Variants in NRXN1 observed in about 807,000 individuals in gnomAD.
NRXN1 encodes neurexin 1.
In NRXN1, 39 loss-of-function variants were observed where a neutral mutation model predicts 150.9. That is an observed-to-expected ratio of 0.26 (90% CI 0.20 to 0.34). NRXN1 has a LOEUF of 0.34. NRXN1 is among the 10% of genes least tolerant of loss of function. The probability of loss-of-function intolerance (pLI) is 1.00; values close to 1 mark genes in which losing one functional copy is unlikely to be tolerated. For missense variants in NRXN1, 1,815 were observed against 1,949.9 expected, an observed-to-expected ratio of 0.93 and a Z score of 1.30; for synonymous variants, 924 against 757.0, an observed-to-expected ratio of 1.22 and a Z score of -3.62.
intron 21 of NRXN1, among the ~76,000 whole-genome samples, chr2:49,956,429 G>C (rs765022634): frequency 3.4e-4 from 51 of 152,062 alleles, no homozygotes; most frequent in Non-Finnish European, 2.9e-5. Context: ...TCACTGTAAG[G>C]CAATTTGTGC....
intron 2 of NRXN1, among the ~76,000 whole-genome samples, chr2:50,932,997 T>A (rs912881755): frequency 6.6e-6 from 1 of 152,074 alleles, no homozygotes; most frequent in African/African-American, 2.4e-5. Flanking sequence ...CTCCCAGTCC[T>A]CTTCTCTAGA....
chr2:50,238,630 T>G (rs2065696852), intron 17 of NRXN1, among the ~76,000 whole-genome samples: 1 of 152,052 alleles, frequency 6.6e-6, no homozygotes, highest in Admixed American at 6.6e-5. Context: ...AGTTTACCAG[T>G]TAAATGGAGT....
At chr2:49,976,276 G>A (rs1055089816) in intron 21 of NRXN1, among the ~76,000 whole-genome samples, 3 of 150,784 alleles carry the variant, frequency 2.0e-5, no homozygotes, top group Admixed American at 6.6e-5. Context: ...CGAGTGATCC[G>A]CCCACCTTGG....
intron 10 of NRXN1, among the ~76,000 whole-genome samples, chr2:50,532,739 G>T (rs1357798584): frequency 6.6e-6 from 1 of 151,934 alleles, no homozygotes; most frequent in Non-Finnish European, 1.5e-5. Flanking sequence ...GCTTAGTACT[G>T]TCTTAAACAC....
intron 15 of NRXN1, among the ~76,000 whole-genome samples, chr2:50,493,120 T>C (rs2091354352): frequency 6.6e-6 from 1 of 152,228 alleles, no homozygotes; most frequent in Non-Finnish European, 1.5e-5. Flanking sequence ...ATGTTTTCTT[T>C]AATTCTTTAA....
intron 2 of NRXN1, among the ~76,000 whole-genome samples, chr2:50,934,306 AACT>A (rs1003116634): frequency 3.3e-5 from 5 of 152,160 alleles, no homozygotes; most frequent in Admixed American, 3.3e-4. Context: ...ATAATAACAC[AACT>A]ACTACATGAC....
At chr2:50,230,557 C>A (rs1401745857) in intron 18 of NRXN1, among the ~76,000 whole-genome samples, 1 of 151,818 alleles carries the variant, frequency 6.6e-6, no homozygotes, top group Non-Finnish European at 1.5e-5. Context: ...AGAAGGATAG[C>A]TGAGAAAGTG....
At chr2:50,207,722 T>C (rs1274251950) in intron 18 of NRXN1, 1 of 168,210 alleles carries the variant, frequency 5.9e-6, no homozygotes, top group African/African-American at 2.4e-5. Flanking sequence ...AGAAACAAAA[T>C]ATGATCGGCT....
At chr2:50,351,451 T>A (rs1329539867) in intron 17 of NRXN1, among the ~76,000 whole-genome samples, 1 of 152,174 alleles carries the variant, frequency 6.6e-6, no homozygotes, top group East Asian at 1.9e-4. Flanking sequence ...AAATAAGTTA[T>A]CACTGATGAA....
chr2:50,611,070 G>A (rs1678036662), intron 8 of NRXN1, among the ~76,000 whole-genome samples: 1 of 150,150 alleles, frequency 6.7e-6, no homozygotes, highest in Non-Finnish European at 1.5e-5. Context: ...TTTTAATGTT[G>A]ATTAACATAA....
At chr2:50,442,356 G>A (rs1302140477) in intron 17 of NRXN1, among the ~76,000 whole-genome samples, 1 of 152,116 alleles carries the variant, frequency 6.6e-6, no homozygotes, top group East Asian at 1.9e-4. Flanking sequence ...AATAAAAGAA[G>A]AATTAGATGC....
chr2:50,249,833 TC>T lies in NRXN1; in HGVS notation c.3365-12864del, dbSNP rs1297167619. Among the ~76,000 whole-genome samples the T allele has an allele frequency of 1.7e-4, 26 of 152,192 alleles. No individual in the cohort carries two copies. In the East Asian group the frequency reaches 4.8e-3, roughly 28 times the overall value. ...TTATATTTTTAGTAGAGATGGGGTT[TC>T]ACCATGTTGGCCAGGCTTGTCTCAA... On this transcript the variant is annotated intron_variant, in intron 17 of 22. Transcript: ENST00000401669.
At chr2:50,284,430 A>G (rs906022491) in intron 17 of NRXN1, among the ~76,000 whole-genome samples, 4 of 152,158 alleles carry the variant, frequency 2.6e-5, no homozygotes, top group African/African-American at 9.7e-5. Context: ...ACATCACAGC[A>G]TCCTAATTCT....
At chr2:50,594,537 C>T (rs151176257) in intron 8 of NRXN1, among the ~76,000 whole-genome samples, 7 of 152,182 alleles carry the variant, frequency 4.6e-5, no homozygotes, top group East Asian at 3.9e-4. Flanking sequence ...CACATGATAA[C>T]GTGTGCTAGG....
intron 18 of NRXN1, among the ~76,000 whole-genome samples, chr2:50,175,759 A>T (rs1574327699): frequency 6.6e-6 from 1 of 152,266 alleles, no homozygotes; most frequent in East Asian, 1.9e-4. Context: ...TATTAAGGAG[A>T]AAGCAAAAAA....
chr2:50,170,585 C>T (rs1276279158), intron 18 of NRXN1, among the ~76,000 whole-genome samples: 8 of 152,108 alleles, frequency 5.3e-5, no homozygotes, highest in East Asian at 1.9e-4. Flanking sequence ...GAGTAAGACA[C>T]GATGCACAGC....
chr2:50,421,135 C>A (rs975781294), intron 17 of NRXN1, among the ~76,000 whole-genome samples: 5 of 151,408 alleles, frequency 3.3e-5, no homozygotes, highest in African/African-American at 1.2e-4. Flanking sequence ...TTTTTTTTTC[C>A]GGGTATTTTT....
chr2:50,529,167 T>C (rs570536954), intron 11 of NRXN1, among the ~76,000 whole-genome samples: 26 of 152,328 alleles, frequency 1.7e-4, no homozygotes, highest in Admixed American at 3.3e-4. Context: ...TTTTGTTTTG[T>C]TTTTAAATTT....
chr2:50,578,886 T>A (rs763440664), intron 8 of NRXN1, among the ~76,000 whole-genome samples: 2 of 152,092 alleles, frequency 1.3e-5, no homozygotes, highest in African/African-American at 2.4e-5. Flanking sequence ...GAATATTACA[T>A]GAACGAAATC....
Sources: allele counts gnomAD v4.1 joint callset (sites outside exome capture counted in the v4.1 genomes callset), GRCh38; gene constraint gnomAD v4.1.1; transcripts MANE v1.5; gene names NCBI Gene and HGNC (gene_info 2026-07-23, HGNC 2026-07-21).